The following PLB1 variants were observed in gnomAD, a reference collection of about 807,000 sequenced individuals.
The protein encoded by PLB1 is phospholipase B1.
In PLB1, 242 loss-of-function variants were observed where a neutral mutation model predicts 227.4. The observed-to-expected ratio is 1.06, with a 90% CI of 0.96 to 1.18. The LOEUF (loss-of-function observed/expected upper bound fraction) is 1.18, where lower values mean the gene tolerates loss of function less well. Ranked by LOEUF, PLB1 falls within the 50% of genes most tolerant of loss-of-function variation. The pLI, the probability that PLB1 is intolerant of heterozygous loss-of-function variation, is 0.00. For missense variants in PLB1, 1,858 were observed against 1,816.3 expected (o/e 1.02, Z -0.42); for synonymous variants, 757 against 682.2 (o/e 1.11, Z -1.71).
chr2:28,617,611 A>T, intron 44 of PLB1, 116 bp from the exon 45 acceptor site: 1 of 958,100 alleles, frequency 1.0e-6, no homozygotes, highest in Non-Finnish European at 1.7e-6. Context: ...ATGATCCTGT[A>T]TGGTGACTCA....
chr2:28,601,713 C>G (rs1683933490), intron 37 of PLB1, among the ~76,000 whole-genome samples, 186 bp from the exon 38 acceptor site: 1 of 152,188 alleles, frequency 6.6e-6, no homozygotes, highest in African/African-American at 2.4e-5. Flanking sequence ...TTCCCACTGG[C>G]CCATCTTTGA....
rs1463894070 is a variant in PLB1 at position 28,604,017 on chromosome 2, C to T, written c.2826C>T (p.Ala942=). 3 of 1,614,210 alleles carry T rather than the reference C, an allele frequency of 1.9e-6. No homozygotes were observed. Among genetic ancestry groups the T allele is most frequent in the Middle Eastern group, 3.3e-4 (2 of 6,062 alleles). The change falls in exon 40 of 58, where the codon GCC becomes GCT. Residue 942 remains alanine (A), a synonymous_variant. Transcript: ENST00000327757. The part of the protein sequence containing the change: ...LTLRENSQEL[A]RLEAFSRAYR... The stretch of plus-strand genomic sequence containing the variant: ...TGCGGGAGAACTCCCAAGAGCTAGC[C>T]AGGCTGGAGGCCTTCAGCCGAGCCT...
At chr2:28,508,767 T>A (rs990675400) in intron 1 of PLB1, among the ~76,000 whole-genome samples, 1 of 152,210 alleles carries the variant, frequency 6.6e-6, no homozygotes, top group Non-Finnish European at 1.5e-5. Context: ...CATGCACTTA[T>A]GGCCCTCTGA....
At chr2:28,509,675 C>A (rs753124052) in intron 1 of PLB1, among the ~76,000 whole-genome samples, 3 of 152,010 alleles carry the variant, frequency 2.0e-5, no homozygotes, top group Admixed American at 6.5e-5. Flanking sequence ...TGTTTTTTTC[C>A]CCTGACTGCC....
intron 1 of PLB1, among the ~76,000 whole-genome samples, chr2:28,515,218 T>A (rs1668704464): frequency 6.6e-6 from 1 of 152,176 alleles, no homozygotes; most frequent in Admixed American, 6.5e-5. Context: ...AACTCCTCTA[T>A]TCCACTCCCC....
rs531546715 is a variant in PLB1 at position 28,577,731 on chromosome 2, C to T, written c.1434-376C>T. On this transcript the variant is annotated intron_variant, in intron 21 of 57. Coordinates refer to ENST00000327757, the MANE Select transcript of PLB1 (RefSeq NM_153021.5). ...TGACACACAGCTATAATCTCAGCTA[C>T]TTGGGAGGCTGAATCAGGAGAATTG... is the stretch of plus-strand genomic sequence containing the variant. 5.3e-5 allele frequency among the ~76,000 whole-genome samples: 8 copies of T among 152,314 alleles called. No homozygotes were observed. The East Asian group carries it at 1.5e-3, about 29-fold the overall frequency.
chr2:28,620,584 G>T lies in PLB1; in HGVS notation c.3384-16G>T, dbSNP rs368344342. ...ATGTTGGTGTGAGTTTAACAAATAT[G>T]CTTTCTCCTCCCCAGCATTGGAGGG... is the stretch of plus-strand genomic sequence containing the variant. On this transcript the variant is annotated splice_polypyrimidine_tract_variant and intron_variant, in intron 47 of 57. Transcript: ENST00000327757. The T allele has an allele frequency of 1.2e-6, 2 of 1,610,164 alleles. No individual in the cohort carries two copies. The highest frequency in any genetic ancestry group is 1.7e-6 in the Non-Finnish European group (2 of 1,178,322).
chr2:28,519,383 A>G (rs1297932468), intron 3 of PLB1, among the ~76,000 whole-genome samples: 1 of 152,242 alleles, frequency 6.6e-6, no homozygotes, highest in Non-Finnish European at 1.5e-5. Flanking sequence ...ACTGTGGGAC[A>G]GAAGGAAGTG....
intron 4 of PLB1, among the ~76,000 whole-genome samples, chr2:28,523,901 G>C (rs929189612): frequency 6.6e-6 from 1 of 152,212 alleles, no homozygotes; most frequent in Non-Finnish European, 1.5e-5. Context: ...ACAGCCCCAG[G>C]AGGCCTGCTC....
In PLB1 at chr2:28,566,570, G is replaced by A. The variant is rs1040781156; in HGVS notation, c.1281-226G>A. 54 of 522,654 alleles carry A rather than the reference G, an allele frequency of 1.0e-4. No individual in the cohort carries two copies. In the Middle Eastern group the frequency reaches 2.9e-3, roughly 28 times the overall value. The allele number at this position is 522,654 out of a possible 1,614,324, so 32.4% of individuals were successfully genotyped here. A position where few individuals can be genotyped will look rare whatever the true frequency, so the allele number is the denominator to read the frequency against. ...CCTTCCCCAACATCAGCGAAAATCA[G>A]CCGCTGGTTTAAAGCTGGCGTTTTG... On this transcript the variant is annotated intron_variant, in intron 19 of 57. Coordinates refer to ENST00000327757, the MANE Select transcript of PLB1 (RefSeq NM_153021.5).
intron 33 of PLB1, chr2:28,594,387 AG>A (rs914046481): frequency 1.9e-4 from 37 of 195,220 alleles, no homozygotes; most frequent in African/African-American, 8.0e-4. Flanking sequence ...CTCCTAATAA[AG>A]TTCTCATTCC....
chr2:28,524,828 TTC>T (rs912911474), intron 4 of PLB1, among the ~76,000 whole-genome samples: 42 of 147,504 alleles, frequency 2.8e-4, no homozygotes, highest in Non-Finnish European at 4.9e-4. Context: ...TCTCTGTAGG[TTC>T]TCTCTCTCTC....
rs1438660264 is a variant in PLB1, at chr2:28,620,922, C to T, written c.3471C>T (p.Thr1157=). 6.2e-7 allele frequency: 1 copy of T among 1,613,822 alleles called. No individual in the cohort carries two copies. Among genetic ancestry groups the T allele is most frequent in the Non-Finnish European group, 8.5e-7 (1 of 1,179,922 alleles). ...ACCCTTACCTCCTTGGCTTCTCTAC[C>T]AGCACCTGGGAGGGGACAGCAGGAC... ...KFNPYLLGFS[T]STWEGTAGLN... The change falls in exon 49 of 58, where the codon ACC becomes ACT. Residue 1157 remains threonine, a synonymous_variant. Coordinates refer to ENST00000327757, the MANE Select transcript of PLB1 (RefSeq NM_153021.5).
At chr2:28,622,410 C>T (rs79425756) in intron 49 of PLB1, among the ~76,000 whole-genome samples, 1,772 of 152,180 alleles carry the variant, frequency 0.012, 33 homozygotes, top group African/African-American at 0.041. Context: ...ATAAATAATC[C>T]GTGAAAAGAA....
intron 10 of PLB1, 27 bp downstream of exon 10, chr2:28,538,408 C>G: frequency 6.2e-7 from 1 of 1,604,898 alleles, no homozygotes; most frequent in Non-Finnish European, 8.5e-7. Context: ...AGGGCTTCCC[C>G]AAGGGCAGTG....
At chr2:28,572,104 T>C (rs1678111761) in intron 20 of PLB1, among the ~76,000 whole-genome samples, 1 of 152,188 alleles carries the variant, frequency 6.6e-6, no homozygotes, top group Admixed American at 6.5e-5. Context: ...GCAAAGGATC[T>C]GAATAGACAT....
chr2:28,604,973 A>C (rs928429197), intron 41 of PLB1, among the ~76,000 whole-genome samples: 11 of 152,240 alleles, frequency 7.2e-5, no homozygotes, highest in Admixed American at 5.9e-4. Flanking sequence ...TTGAGCACCT[A>C]CTAGTGCCAG....
chr2:28,555,038 TG>T (rs1272386998), intron 17 of PLB1, among the ~76,000 whole-genome samples: 1 of 152,020 alleles, frequency 6.6e-6, no homozygotes, highest in African/African-American at 2.4e-5. Context: ...AGATGAGTGT[TG>T]GGCCTGCACT....
At position 28,614,080 on chromosome 2, in the gene PLB1, T is replaced by C; in HGVS notation, c.3179T>C (p.Ile1060Thr). 1 of 1,612,854 alleles carries C rather than the reference T, an allele frequency of 6.2e-7. No individual in the cohort carries two copies. Among genetic ancestry groups the C allele is most frequent in the African/African-American group, 1.3e-5 (1 of 74,930 alleles). ...TPRNSNYTYP[I>T]KPAIENWGSD... ...CGGAATAGTAACTACACGTACCCCA[T>C]CAAGCCAGCCATTGAGGTAACCCCT... Residue 1060 changes from isoleucine to threonine, a missense_variant, in exon 44 of 58, where the codon ATC (isoleucine) becomes ACC (threonine). Transcript: ENST00000327757.
Sources: gnomAD v4.1 joint callset for allele counts (sites outside exome capture counted in the v4.1 genomes callset) on GRCh38, gnomAD v4.1.1 for gene constraint, MANE v1.5 for transcripts, NCBI Gene and HGNC (gene_info 2026-07-23, HGNC 2026-07-21) for gene names.